The following NREP variants were observed in gnomAD, a reference collection of about 807,000 sequenced individuals.
The protein encoded by NREP is neuronal regeneration related protein, also known as neuronal regeneration-related protein.
Under a neutral mutation model 8.6 loss-of-function variants are expected in NREP, and 5 were observed. That is an observed-to-expected ratio of 0.58 (90% CI 0.30 to 1.22). The LOEUF (loss-of-function observed/expected upper bound fraction) is 1.22. Among genes scored for constraint, NREP ranks in the 50% most tolerant of loss-of-function variants. The pLI is 0.07. For synonymous variants in NREP, 27 were observed against 28.0 expected (o/e 0.96, Z 0.11); for missense variants, 86 against 82.5 (o/e 1.04, Z -0.17).
At chr5:111,731,129 T>A in intron 3 of NREP, 83 bp from the exon 4 acceptor site, 3 of 1,534,386 alleles carry the variant, frequency 2.0e-6, no homozygotes, top group Non-Finnish European at 8.8e-7. Flanking sequence ...TTTTTAAAAT[T>A]TTGCTTTTCC....
intron 2 of NREP, among the ~76,000 whole-genome samples, chr5:111,910,691 G>T (rs1754888673): frequency 6.6e-6 from 1 of 151,912 alleles, no homozygotes; most frequent in Admixed American, 6.6e-5. Flanking sequence ...TCTGAGACTG[G>T]AACAAACTCA....
intron 2 of NREP, among the ~76,000 whole-genome samples, chr5:111,958,249 A>C (rs1016217743): frequency 3.3e-5 from 5 of 150,144 alleles, no homozygotes; most frequent in African/African-American, 1.0e-4. Context: ...ATGAATTATA[A>C]TACTATAATT....
At chr5:111,786,217 G>A (rs988299574) in intron 2 of NREP, among the ~76,000 whole-genome samples, 1 of 152,134 alleles carries the variant, frequency 6.6e-6, no homozygotes, top group Non-Finnish European at 1.5e-5. Flanking sequence ...TTCCCACTTT[G>A]TGCCTCACTC....
chr5:111,735,915 T>C (rs750984242), intron 2 of NREP, among the ~76,000 whole-genome samples: 2 of 152,084 alleles, frequency 1.3e-5, no homozygotes, highest in Non-Finnish European at 2.9e-5. Context: ...GGCCAAAGAT[T>C]ATGAATAAAA....
chr5:111,747,531 G>A (rs567282837), intron 2 of NREP, among the ~76,000 whole-genome samples: 1 of 152,246 alleles, frequency 6.6e-6, no homozygotes, highest in Non-Finnish European at 1.5e-5. Context: ...AGAAGAGCTG[G>A]AGCTGGCAGC....
chr5:111,970,309 C>T (rs771536732), intron 2 of NREP, among the ~76,000 whole-genome samples: 16 of 152,062 alleles, frequency 1.1e-4, no homozygotes, highest in Non-Finnish European at 2.4e-4. Context: ...CTTCTTACAT[C>T]GCTGTCAAAA....
intron 2 of NREP, among the ~76,000 whole-genome samples, chr5:111,965,658 C>T (rs1050073998): frequency 1.3e-5 from 2 of 152,144 alleles, no homozygotes; most frequent in Non-Finnish European, 2.9e-5. Flanking sequence ...CATCTGTAAA[C>T]ATATCACTAT....
At chr5:111,969,778 A>C (rs1246047912) in intron 2 of NREP, among the ~76,000 whole-genome samples, 1 of 152,190 alleles carries the variant, frequency 6.6e-6, no homozygotes, top group Non-Finnish European at 1.5e-5. Context: ...GGAGATTAGA[A>C]TAAATAACTT....
intron 1 of NREP, chr5:111,756,268 G>C: frequency 1.0e-6 from 1 of 959,274 alleles, no homozygotes; most frequent in Non-Finnish European, 1.2e-6. Flanking sequence ...TTTTGGAAAT[G>C]GCACTGCATT....
chr5:111,944,390 C>T (rs1189914027), intron 2 of NREP, among the ~76,000 whole-genome samples: 3 of 152,096 alleles, frequency 2.0e-5, no homozygotes, highest in Admixed American at 6.6e-5. Context: ...TTACTGCAGC[C>T]TCAACCTCCT....
At chr5:111,881,586 G>A (rs1309749851) in intron 2 of NREP, among the ~76,000 whole-genome samples, 1 of 152,168 alleles carries the variant, frequency 6.6e-6, no homozygotes, top group African/African-American at 2.4e-5. Flanking sequence ...CCCCCCAGTA[G>A]GGGCAGACTG....
At chr5:111,926,998 G>C (rs1305687841) in intron 2 of NREP, among the ~76,000 whole-genome samples, 1 of 151,856 alleles carries the variant, frequency 6.6e-6, no homozygotes, top group African/African-American at 2.4e-5. Context: ...CCTTAGATTT[G>C]TATGGCCAGC....
Position 111,907,944 on chromosome 5 carries a change from G to T in NREP, c.135+67330C>A, listed in dbSNP as rs114596739. 8.9e-3 allele frequency among the ~76,000 whole-genome samples: 1,350 copies of T among 152,042 alleles called. 21 individuals are homozygous for T. The highest frequency in any genetic ancestry group is 0.031 in the African/African-American group (1,287 of 41,498). ...GCTGGCACTTGGGCATTTAAACATTGGTTGAGAAAATACTAATGAGTATTT... is the reference window on the plus strand; with the variant it reads ...GCTGGCACTTGGGCATTTAAACATTTGTTGAGAAAATACTAATGAGTATTT... On this transcript the variant is annotated intron_variant, in intron 2 of 3. Transcript: ENST00000395634.
chr5:111,975,394 A>G, intron 1 of NREP: 10 of 1,546,018 alleles, frequency 6.5e-6, no homozygotes, highest in Non-Finnish European at 8.8e-6. Context: ...GACAAGACAC[A>G]TGGTAGAAAA....
chr5:111,865,951 T>C (rs529566843), intron 2 of NREP, among the ~76,000 whole-genome samples: 1 of 152,142 alleles, frequency 6.6e-6, no homozygotes, highest in Non-Finnish European at 1.5e-5. Context: ...GCATAAAAAC[T>C]AATGCTAAAA....
intron 2 of NREP, among the ~76,000 whole-genome samples, chr5:111,951,482 T>C (rs1756158439): frequency 6.6e-6 from 1 of 152,110 alleles, no homozygotes; most frequent in South Asian, 2.1e-4. Flanking sequence ...ATGGCTACTT[T>C]CATACTACTG....
chr5:111,959,387 G>T (rs1493453), intron 2 of NREP, among the ~76,000 whole-genome samples: 1 of 151,562 alleles, frequency 6.6e-6, no homozygotes, highest in Non-Finnish European at 1.5e-5. Flanking sequence ...TCTGATCTGG[G>T]TGATTACACT....
At chr5:111,812,035 C>A (rs1172789056) in intron 2 of NREP, among the ~76,000 whole-genome samples, 1 of 152,150 alleles carries the variant, frequency 6.6e-6, no homozygotes, top group African/African-American at 2.4e-5. Flanking sequence ...CGCCTGTAAT[C>A]GCAGCACTTT....
At chr5:111,956,809 C>A (rs1756333485) in intron 2 of NREP, among the ~76,000 whole-genome samples, 1 of 151,784 alleles carries the variant, frequency 6.6e-6, no homozygotes, top group African/African-American at 2.4e-5. Flanking sequence ...ACTAAAAATA[C>A]AAAAGTTAGC....
Sources: allele counts gnomAD v4.1 joint callset (sites outside exome capture counted in the v4.1 genomes callset), GRCh38; gene constraint gnomAD v4.1.1; transcripts MANE v1.5; gene names NCBI Gene and HGNC (gene_info 2026-07-23, HGNC 2026-07-21).